Variants in NOTCH1 observed in about 807,000 individuals in gnomAD.
NOTCH1 encodes notch receptor 1.
Under a neutral mutation model 254.8 loss-of-function variants are expected in NOTCH1, and 37 were observed. The ratio of observed to expected loss-of-function variants is 0.15; its 90% CI spans 0.11 to 0.19. The LOEUF is 0.19. NOTCH1 is among the 10% of genes least tolerant of loss of function. NOTCH1 has a pLI of 1.00. For missense variants in NOTCH1, 2,972 were observed against 3,708.6 expected, an observed-to-expected ratio of 0.80 and a Z score of 5.16; for synonymous variants, 1,731 against 1,618.1, an observed-to-expected ratio of 1.07 and a Z score of -1.68.
chr9:136,516,181 G>A (rs1291540636), intron 9 of NOTCH1, 87 bp from the exon 10 acceptor site: 50 of 979,588 alleles, frequency 5.1e-5, no homozygotes, highest in Middle Eastern at 2.6e-4. Context: ...AGCAGTGAGC[G>A]CCTGGCTGGG....
At chr9:136,509,142 T>C in intron 18 of NOTCH1, 71 bp from the exon 19 acceptor site, 4 of 1,393,632 alleles carry the variant, frequency 2.9e-6, no homozygotes, top group Non-Finnish European at 4.0e-6. Context: ...AGATTCTGCC[T>C]CGCCAGCACC....
intron 2 of NOTCH1, among the ~76,000 whole-genome samples, 185 bp from the exon 3 acceptor site, chr9:136,524,164 T>C (rs1478730759): frequency 6.6e-6 from 1 of 152,218 alleles, no homozygotes; most frequent in Non-Finnish European, 1.5e-5. Context: ...CATGCCGCGA[T>C]TGCACAACTT....
chr9:136,494,646 C>T lies in NOTCH1; in HGVS notation c.*1425G>A, dbSNP rs560654330. The T allele has an allele frequency of 3.8e-5, 15 of 398,810 alleles. 1 individual carries two copies. The South Asian group carries it at 3.8e-4, about 10-fold the overall frequency. 24.7% of individuals were successfully genotyped at this position (398,810 alleles called of 1,614,324 possible). A position where few individuals can be genotyped will look rare whatever the true frequency, so the allele number is the denominator to read the frequency against. ...TGGCACCACGCGGCCCCCGTAGAGC[C>T]GGGGGAGGCTGCCCTGAGGAGTGCA... is the stretch of plus-strand genomic sequence containing the variant. On this transcript the variant is annotated 3_prime_UTR_variant, in exon 34 of 34. Coordinates refer to ENST00000651671, the MANE Select transcript of NOTCH1 (RefSeq NM_017617.5).
intron 31 of NOTCH1, 24 bp downstream of exon 31, chr9:136,500,528 G>A (rs2133325301): frequency 6.2e-7 from 1 of 1,607,770 alleles, no homozygotes; most frequent in South Asian, 1.1e-5. Flanking sequence ...AGGGCAGGTG[G>A]GCACACAGGC....
intron 4 of NOTCH1, chr9:136,522,627 G>A (rs553485279): frequency 4.1e-5 from 22 of 533,584 alleles, no homozygotes; most frequent in East Asian, 4.1e-4. Context: ...CCAGAGACAC[G>A]GGCTGGCACC....
intron 2 of NOTCH1, among the ~76,000 whole-genome samples, chr9:136,535,460 T>TGGGTG (rs1222875651): frequency 1.2e-4 from 16 of 132,150 alleles, no homozygotes; most frequent in African/African-American, 4.5e-4. Context: ...GGGTGCAGGG[T>TGGGTG]AGGCGGGGAG....
chr9:136,544,161 C>G (rs2133406395), intron 1 of NOTCH1, 59 bp from the exon 2 acceptor site: 1 of 1,480,790 alleles, frequency 6.8e-7, no homozygotes. Flanking sequence ...ACCGAAGGCC[C>G]TGGTTACCCT....
intron 26 of NOTCH1, 92 bp from the exon 27 acceptor site, chr9:136,503,422 T>C (rs2133334085): frequency 6.3e-7 from 1 of 1,580,198 alleles, no homozygotes; most frequent in Non-Finnish European, 8.7e-7. Context: ...CTGAGGCCCA[T>C]GACGCCACAG....
intron 4 of NOTCH1, among the ~76,000 whole-genome samples, chr9:136,521,019 T>C (rs915468988): frequency 1.3e-5 from 2 of 152,152 alleles, no homozygotes; most frequent in Admixed American, 1.3e-4. Context: ...TCCCAGCCAG[T>C]TCCCGGGCCT....
At position 136,544,120 on chromosome 9, in the gene NOTCH1, A is replaced by T; in HGVS notation, c.62-18T>A. 1 of 1,559,014 alleles carries T rather than the reference A, an allele frequency of 6.4e-7. No homozygotes were observed. The highest frequency in any genetic ancestry group is 1.9e-5 in the Admixed American group (1 of 52,370). Reference sequence around the variant, plus strand: ...TCGCGGGCCTAGGCAGGGGCAGGAGAAGAGAGGTCAGTCTCACCCGCACCA... The same window carrying T: ...TCGCGGGCCTAGGCAGGGGCAGGAGTAGAGAGGTCAGTCTCACCCGCACCA... On this transcript the variant is annotated intron_variant, in intron 1 of 33. Coordinates refer to ENST00000651671, the MANE Select transcript of NOTCH1 (RefSeq NM_017617.5).
At chr9:136,532,503 C>T (rs1239858804) in intron 2 of NOTCH1, among the ~76,000 whole-genome samples, 3 of 152,260 alleles carry the variant, frequency 2.0e-5, no homozygotes, top group East Asian at 1.9e-4. Flanking sequence ...TGGAGGGGCC[C>T]CCACAGCACC....
At chr9:136,502,910 A>G in intron 27 of NOTCH1, 1 of 661,302 alleles carries the variant, frequency 1.5e-6, no homozygotes, top group Non-Finnish European at 2.8e-6. Context: ...AATACCCAAC[A>G]AAGAAAATTC....
intron 4 of NOTCH1, among the ~76,000 whole-genome samples, chr9:136,520,570 C>CA (rs1316406502): frequency 2.7e-5 from 4 of 150,572 alleles, no homozygotes; most frequent in African/African-American, 7.3e-5. Context: ...CCCGTCTCTA[C>CA]AAAAAAAAAT....
intron 4 of NOTCH1, among the ~76,000 whole-genome samples, chr9:136,520,518 G>A (rs1337466815): frequency 2.6e-5 from 4 of 152,158 alleles, no homozygotes; most frequent in African/African-American, 9.7e-5. Flanking sequence ...TGGATCGCTT[G>A]CGCCCAGGAG....
In NOTCH1 at chr9:136,545,725, C is replaced by T; in HGVS notation, c.61+1G>A. The T allele has an allele frequency of 7.0e-7, 1 of 1,428,972 alleles. No homozygotes were observed. The highest frequency in any genetic ancestry group is 9.1e-7 in the Non-Finnish European group (1 of 1,095,960). The allele number at this position is 1,428,972 out of a possible 1,614,324, so 88.5% of individuals were successfully genotyped here. On this transcript the variant is annotated splice_donor_variant, in intron 1 of 33. Coordinates refer to ENST00000651671, the MANE Select transcript of NOTCH1 (RefSeq NM_017617.5). LOFTEE classifies it high-confidence loss of function. This position sits in a 1 kb window ranked among gnomAD's most constrained non-coding sequence, Gnocchi z 6.8. ...GGGCTCGCGGGTGGGTGGGCGCCTA[C>T]CTCGTGCGGCGAGCGCGGGCAGCAG...
At position 136,502,488 on chromosome 9, in the gene NOTCH1, C is replaced by T. The variant is rs1264629893; in HGVS notation, c.5168G>A (p.Ser1723Asn). 2.6e-6 allele frequency: 4 copies of T among 1,539,022 alleles called. No individual in the cohort carries two copies. The South Asian group carries it at 3.5e-5, about 14-fold the overall frequency. ...NIPYKIEAVQ[S>N]ETVEPPPPAQ... is the part of the protein sequence containing the mutation. ...CGGCGGGGGCGGCTCCACGGTCTCA[C>T]CTGCGGGCACGGGGGCCAGGGGCAG... Residue 1723 changes from serine (S) to asparagine (N), a missense_variant and splice_region_variant, in exon 28 of 34, where the codon AGT (serine) becomes AAT (asparagine). Transcript: ENST00000651671.
At chr9:136,536,921 G>A (rs967475896) in intron 2 of NOTCH1, among the ~76,000 whole-genome samples, 6 of 152,258 alleles carry the variant, frequency 3.9e-5, no homozygotes, top group South Asian at 2.1e-4. Flanking sequence ...GCGTGTGGAC[G>A]CTCAGTGACC....
At position 136,518,308 on chromosome 9, in the gene NOTCH1, C is replaced by T. The variant is rs146815871; in HGVS notation, c.1100-16G>A. The T allele has an allele frequency of 1.2e-5, 20 of 1,606,174 alleles. No homozygotes were observed. In the Admixed American group the frequency reaches 1.9e-4, roughly 15 times the overall value. On this transcript the variant is annotated splice_polypyrimidine_tract_variant and intron_variant, in intron 6 of 33. Coordinates refer to ENST00000651671, the MANE Select transcript of NOTCH1 (RefSeq NM_017617.5). ...CACAGCAGACCTGGGCAGGCAGCGG[C>T]GGTCAGTGGGCACGGCCCCTGGGCC...
At chr9:136,538,541 G>A (rs960566441) in intron 2 of NOTCH1, among the ~76,000 whole-genome samples, 3 of 152,246 alleles carry the variant, frequency 2.0e-5, no homozygotes, top group Non-Finnish European at 4.4e-5. Flanking sequence ...GGAAACTCGA[G>A]GCCGTCAAAC....
Sources: allele counts gnomAD v4.1 joint callset (sites outside exome capture counted in the v4.1 genomes callset), GRCh38; gene constraint gnomAD v4.1.1; non-coding constraint Gnocchi (gnomAD v3.1); transcripts MANE v1.5; gene names NCBI Gene and HGNC (gene_info 2026-07-23, HGNC 2026-07-21).